FARS2: variants seen among roughly 807,000 people sequenced by gnomAD.
FARS2 encodes phenylalanyl-tRNA synthetase 2, mitochondrial.
A neutral mutation model predicts 46.4 loss-of-function variants in FARS2; 40 were observed. That is an observed-to-expected ratio of 0.86 (90% CI 0.67 to 1.12). The LOEUF is 1.12. Ranked by LOEUF, FARS2 falls within the 50% of genes most tolerant of loss-of-function variation. The pLI is 0.00. For missense variants in FARS2, 513 were observed against 567.9 expected, an observed-to-expected ratio of 0.90 and a Z score of 0.98; for synonymous variants, 234 against 214.9, an observed-to-expected ratio of 1.09 and a Z score of -0.78.
At chr6:5,730,468 C>T (rs1489172355) in intron 6 of FARS2, among the ~76,000 whole-genome samples, 3 of 151,482 alleles carry the variant, frequency 2.0e-5, no homozygotes, top group Admixed American at 6.6e-5. Context: ...GATCACTTAC[C>T]GAGTCCTAGA....
upstream of FARS2, among the ~76,000 whole-genome samples, chr6:5,260,165 A>C (rs934766717): frequency 3.3e-5 from 5 of 152,168 alleles, no homozygotes; most frequent in African/African-American, 1.2e-4. Context: ...CTTGCAACCA[A>C]AAGAACTCAT....
chr6:5,633,447 TG>T (rs1776394672), intron 6 of FARS2, among the ~76,000 whole-genome samples: 1 of 151,966 alleles, frequency 6.6e-6, no homozygotes, highest in African/African-American at 2.4e-5. Context: ...AGCTAATTTT[TG>T]TATTTTTAGT....
intron 3 of FARS2, among the ~76,000 whole-genome samples, chr6:5,429,494 A>G (rs914223809): frequency 1.3e-5 from 2 of 152,192 alleles, no homozygotes; most frequent in African/African-American, 4.8e-5. Context: ...GCAGGCAATT[A>G]TGTTTTAACT....
intron 3 of FARS2, among the ~76,000 whole-genome samples, chr6:5,412,119 C>A (rs1761970731): frequency 6.6e-6 from 1 of 152,130 alleles, no homozygotes; most frequent in South Asian, 2.1e-4. Context: ...TGTTAAAAGA[C>A]CTGTGGTGGT....
At chr6:5,747,370 G>C (rs913080842) in intron 6 of FARS2, among the ~76,000 whole-genome samples, 19 of 152,224 alleles carry the variant, frequency 1.2e-4, no homozygotes, top group African/African-American at 4.3e-4. Context: ...TGCCCAGTTA[G>C]ACCATTGCAA....
chr6:5,256,491 G>GAAAAAAAAA (rs1161084364), upstream of FARS2, among the ~76,000 whole-genome samples: 1 of 43,858 alleles, frequency 2.3e-5, no homozygotes, highest in Non-Finnish European at 3.6e-5. Context: ...ATTTCAACTG[G>GAAAAAAAAA]AAAAAAAAAA....
At chr6:5,493,068 G>A (rs182075123) in intron 4 of FARS2, among the ~76,000 whole-genome samples, 1 of 151,966 alleles carries the variant, frequency 6.6e-6, no homozygotes, top group East Asian at 1.9e-4. Context: ...GGAATGAGCC[G>A]CTTATTGGCC....
intron 6 of FARS2, among the ~76,000 whole-genome samples, chr6:5,662,274 G>A (rs1178319555): frequency 1.3e-5 from 2 of 152,104 alleles, no homozygotes; most frequent in Non-Finnish European, 2.9e-5. Context: ...GTGCATTGCA[G>A]ACAATATTAT....
intron 6 of FARS2, among the ~76,000 whole-genome samples, chr6:5,770,184 G>A (rs1031069674): frequency 2.6e-5 from 4 of 152,210 alleles, no homozygotes; most frequent in Admixed American, 2.0e-4. Flanking sequence ...ATATGTGGGA[G>A]TGGCCTAGGT....
At chr6:5,531,688 A>T (rs1297291799) in intron 4 of FARS2, among the ~76,000 whole-genome samples, 2 of 152,158 alleles carry the variant, frequency 1.3e-5, no homozygotes, top group Admixed American at 1.3e-4. Flanking sequence ...CAGCTGGAGA[A>T]ATGTTTCAGG....
At chr6:5,761,737 G>C (rs954014766) in intron 6 of FARS2, among the ~76,000 whole-genome samples, 46 of 143,614 alleles carry the variant, frequency 3.2e-4, no homozygotes, top group Admixed American at 2.0e-3. Flanking sequence ...TGGCTCAGAA[G>C]ATAATGGAAT....
rs917759071 is a variant in FARS2, at chr6:5,651,666, CA to C, written c.1217+38347del. Among the ~76,000 whole-genome samples, 66 of 152,282 alleles carry C rather than the reference CA, an allele frequency of 4.3e-4. 1 individual carries two copies. The highest frequency in any genetic ancestry group is 1.4e-3 in the African/African-American group (60 of 41,560). ...AAGTAATTGCAAACCTAATAACAAC[CA>C]TTGCCTCTTCTATTTATTGAGTGTT... On this transcript the variant is annotated intron_variant, in intron 6 of 6. Transcript: ENST00000274680.
chr6:5,553,765 T>G (rs1771500065), intron 5 of FARS2, among the ~76,000 whole-genome samples: 1 of 152,144 alleles, frequency 6.6e-6, no homozygotes, highest in Non-Finnish European at 1.5e-5. Context: ...AAATGCAGAT[T>G]CTAATTCAGT....
chr6:5,604,325 T>C (rs1774703858), intron 5 of FARS2, among the ~76,000 whole-genome samples: 1 of 152,226 alleles, frequency 6.6e-6, no homozygotes. Flanking sequence ...CCAATTCTTA[T>C]GTCGACTGGT....
At chr6:5,694,940 T>A (rs1758005912) in intron 6 of FARS2, 1 of 151,976 alleles carries the variant, frequency 6.6e-6, no homozygotes, top group South Asian at 2.1e-4. Flanking sequence ...CCTGGAAGAG[T>A]TCGAGGCCGC....
At chr6:5,297,315 C>T (rs988224917) in intron 1 of FARS2, among the ~76,000 whole-genome samples, 8 of 152,048 alleles carry the variant, frequency 5.3e-5, no homozygotes, top group Non-Finnish European at 1.0e-4. Flanking sequence ...ATGAAGGATT[C>T]GTAGAGTTCG....
At chr6:5,282,548 A>G (rs1185567827) in intron 1 of FARS2, among the ~76,000 whole-genome samples, 1 of 152,162 alleles carries the variant, frequency 6.6e-6, no homozygotes, top group Non-Finnish European at 1.5e-5. Context: ...GGTTAGTGGT[A>G]GGGAAAAAAA....
At chr6:5,448,294 C>T (rs754461269) in intron 4 of FARS2, among the ~76,000 whole-genome samples, 13 of 152,168 alleles carry the variant, frequency 8.5e-5, no homozygotes, top group Admixed American at 2.6e-4. Flanking sequence ...GTATTGTATA[C>T]AATTATTTTA....
chr6:5,512,550 T>G (rs1582316480), intron 4 of FARS2, among the ~76,000 whole-genome samples: 1 of 152,110 alleles, frequency 6.6e-6, no homozygotes, highest in Non-Finnish European at 1.5e-5. Context: ...TGTCCTAAGC[T>G]AAGGTAGATG....
Sources: gnomAD v4.1 joint callset for allele counts (sites outside exome capture counted in the v4.1 genomes callset) on GRCh38, gnomAD v4.1.1 for gene constraint, MANE v1.5 for transcripts, NCBI Gene and HGNC (gene_info 2026-07-23, HGNC 2026-07-21) for gene names.